Variants in FHIT observed in about 807,000 individuals in gnomAD.
The protein encoded by FHIT is fragile histidine triad diadenosine triphosphatase, also known as bis(5'-adenosyl)-triphosphatase.
In FHIT, 19 loss-of-function variants were observed where a neutral mutation model predicts 17.9. That is an observed-to-expected ratio of 1.06 (90% confidence interval 0.74 to 1.56). The LOEUF is 1.56. FHIT is among the 40% of genes most tolerant of loss of function. FHIT has a pLI of 0.00. For synonymous variants in FHIT, 81 were observed against 69.7 expected (o/e 1.16, Z -0.81); for missense variants, 248 against 189.2 (o/e 1.31, Z -1.82).
chr3:60,869,903 G>A (rs527928196), intron 3 of FHIT, among the ~76,000 whole-genome samples: 3 of 152,104 alleles, frequency 2.0e-5, no homozygotes, highest in South Asian at 4.2e-4. Flanking sequence ...TCTTTTTCTC[G>A]GTTCCCAAGG....
At chr3:59,865,887 G>C (rs951426697) in intron 8 of FHIT, among the ~76,000 whole-genome samples, 1 of 152,174 alleles carries the variant, frequency 6.6e-6, no homozygotes, top group Non-Finnish European at 1.5e-5. Context: ...CAGGAACGGG[G>C]AGAGAGAGCA....
At chr3:60,016,865 A>G (rs772402700) in intron 5 of FHIT, among the ~76,000 whole-genome samples, 8 of 152,094 alleles carry the variant, frequency 5.3e-5, no homozygotes, top group African/African-American at 1.9e-4. Context: ...CCAAATCACC[A>G]TTTCACTTTT....
At chr3:61,119,429 G>T (rs755886316) in intron 2 of FHIT, among the ~76,000 whole-genome samples, 1 of 152,028 alleles carries the variant, frequency 6.6e-6, no homozygotes, top group Non-Finnish European at 1.5e-5. Context: ...GGCCAGGCTT[G>T]TCTTGAACTC....
At chr3:60,973,135 T>G (rs1710092869) in intron 3 of FHIT, among the ~76,000 whole-genome samples, 1 of 152,202 alleles carries the variant, frequency 6.6e-6, no homozygotes, top group Admixed American at 6.5e-5. Context: ...ACACTTTTTA[T>G]GGAAATTGTA....
At chr3:60,862,660 G>A (rs2107010009) in intron 3 of FHIT, among the ~76,000 whole-genome samples, 1 of 152,074 alleles carries the variant, frequency 6.6e-6, no homozygotes. Context: ...GACCAGCCTG[G>A]CCAATATGGT....
At chr3:60,504,157 C>T (rs1198934559) in intron 5 of FHIT, among the ~76,000 whole-genome samples, 1 of 152,172 alleles carries the variant, frequency 6.6e-6, no homozygotes, top group East Asian at 1.9e-4. Flanking sequence ...ATTTTTTGGC[C>T]GGGCAGCGTG....
intron 1 of FHIT, among the ~76,000 whole-genome samples, chr3:61,237,291 TATC>T (rs1650886903): frequency 6.6e-6 from 1 of 152,226 alleles, no homozygotes; most frequent in African/African-American, 2.4e-5. Context: ...TATTAATATT[TATC>T]ATTTTTCTGA....
chr3:60,127,371 G>A (rs1407096092), intron 5 of FHIT, among the ~76,000 whole-genome samples: 2 of 151,966 alleles, frequency 1.3e-5, no homozygotes, highest in South Asian at 2.1e-4. Context: ...AATCTTCATG[G>A]CAGAAAAGTT....
intron 5 of FHIT, among the ~76,000 whole-genome samples, chr3:60,319,803 G>A (rs368204546): frequency 6.1e-4 from 93 of 152,236 alleles, no homozygotes; most frequent in African/African-American, 2.1e-3. Context: ...TGGGGTTGCC[G>A]ACTTTTGGTC....
chr3:60,328,876 T>C (rs1032839539), intron 5 of FHIT, among the ~76,000 whole-genome samples: 22 of 152,186 alleles, frequency 1.4e-4, no homozygotes, highest in African/African-American at 5.1e-4. Flanking sequence ...AAGCAATAAA[T>C]GAAAATGGTG....
chr3:60,314,606 A>G (rs79136950), intron 5 of FHIT, among the ~76,000 whole-genome samples: 1,825 of 152,342 alleles, frequency 0.012, 38 homozygotes, highest in African/African-American at 0.041. Context: ...CCCATAAGGA[A>G]GAAAGTTTTG....
chr3:60,152,282 T>G (rs941534803), intron 5 of FHIT, among the ~76,000 whole-genome samples: 1 of 152,210 alleles, frequency 6.6e-6, no homozygotes, highest in Admixed American at 6.5e-5. Context: ...AGGAAGCACA[T>G]GCACACATGT....
intron 5 of FHIT, among the ~76,000 whole-genome samples, chr3:60,372,781 CT>C (rs915904579): frequency 1.3e-4 from 19 of 151,768 alleles, no homozygotes; most frequent in African/African-American, 4.1e-4. Flanking sequence ...TTCTCACAGA[CT>C]TTTTTTTTAA....
intron 5 of FHIT, among the ~76,000 whole-genome samples, chr3:60,087,483 G>A (rs987609864): frequency 4.6e-5 from 7 of 152,260 alleles, no homozygotes; most frequent in East Asian, 1.9e-4. Flanking sequence ...ACTCTGCTTC[G>A]CTTTTAATTA....
intron 5 of FHIT, among the ~76,000 whole-genome samples, chr3:60,513,884 TGAGCAGAA>T (rs775582530): frequency 6.6e-6 from 1 of 152,164 alleles, no homozygotes. Context: ...CCACGCTCCA[TGAGCAGAA>T]GAGCAGCAGA....
At chr3:59,797,874 G>C (rs1051792681) in intron 8 of FHIT, among the ~76,000 whole-genome samples, 1 of 152,106 alleles carries the variant, frequency 6.6e-6, no homozygotes, top group African/African-American at 2.4e-5. Flanking sequence ...ACTAATCATA[G>C]AATTAAAACA....
At chr3:60,157,960 T>G (rs142286280) in intron 5 of FHIT, among the ~76,000 whole-genome samples, 41 of 152,298 alleles carry the variant, frequency 2.7e-4, no homozygotes, top group East Asian at 1.4e-3. Context: ...TTGGTGCTCT[T>G]TGCTTCCTTG....
chr3:60,154,133 T>G (rs1343513443), intron 5 of FHIT, among the ~76,000 whole-genome samples: 2 of 152,236 alleles, frequency 1.3e-5, no homozygotes, highest in African/African-American at 4.8e-5. Flanking sequence ...TTAGGCCTAG[T>G]GTTCCATTAC....
intron 5 of FHIT, among the ~76,000 whole-genome samples, chr3:60,264,939 T>G (rs1706494532): frequency 6.6e-6 from 1 of 151,940 alleles, no homozygotes; most frequent in East Asian, 1.9e-4. Context: ...TCCTTATACG[T>G]ATTGTCTCTA....
Sources: gnomAD v4.1 joint callset for allele counts (sites outside exome capture counted in the v4.1 genomes callset) on GRCh38, gnomAD v4.1.1 for gene constraint, MANE v1.5 for transcripts, NCBI Gene and HGNC (gene_info 2026-07-23, HGNC 2026-07-21) for gene names.